LDB2: variants seen among roughly 807,000 people sequenced by gnomAD.
LDB2 encodes the protein LIM domain binding 2, also known as LIM domain-binding protein 2.
A neutral mutation model predicts 44.3 loss-of-function variants in LDB2; 12 were observed. The ratio of observed to expected loss-of-function variants is 0.27; its 90% confidence interval spans 0.17 to 0.44. The LOEUF is 0.44. LDB2 is among the 20% of genes least tolerant of loss of function. LDB2 has a pLI of 1.00. For synonymous variants in LDB2, 164 were observed against 174.8 expected (o/e 0.94, Z 0.49); for missense variants, 344 against 473.5 (o/e 0.73, Z 2.54).
At chr4:16,635,980 G>A (rs548565926) in intron 2 of LDB2, among the ~76,000 whole-genome samples, 2 of 152,310 alleles carry the variant, frequency 1.3e-5, no homozygotes, top group East Asian at 3.9e-4. Flanking sequence ...TCTTCTAGAC[G>A]AGTGGAGGCT....
chr4:16,551,026 A>G (rs1737468356), intron 5 of LDB2, among the ~76,000 whole-genome samples: 2 of 152,240 alleles, frequency 1.3e-5, no homozygotes, highest in South Asian at 4.1e-4. Context: ...TTTGTACACC[A>G]TTTACATTAA....
intron 1 of LDB2, among the ~76,000 whole-genome samples, chr4:16,886,359 T>C (rs1322999211): frequency 2.6e-5 from 4 of 152,210 alleles, no homozygotes; most frequent in Admixed American, 6.5e-5. Flanking sequence ...CAAAATTATA[T>C]TTTAAGAAGA....
chr4:16,558,854 C>T (rs1188436878), intron 5 of LDB2, among the ~76,000 whole-genome samples: 1 of 152,200 alleles, frequency 6.6e-6, no homozygotes, highest in Admixed American at 6.5e-5. Flanking sequence ...AGACTAACAG[C>T]AGATCTCTCG....
intron 2 of LDB2, among the ~76,000 whole-genome samples, chr4:16,732,439 G>A (rs1760952991): frequency 6.6e-6 from 1 of 152,160 alleles, no homozygotes; most frequent in Non-Finnish European, 1.5e-5. Flanking sequence ...CAAGGAAGCT[G>A]CAAATGCTAT....
At chr4:16,803,355 C>T (rs2109772770) in intron 1 of LDB2, among the ~76,000 whole-genome samples, 1 of 152,162 alleles carries the variant, frequency 6.6e-6, no homozygotes, top group South Asian at 2.1e-4. Flanking sequence ...TGCTGACTTC[C>T]TACGTGAATT....
At chr4:16,752,577 T>A (rs1579335437) in intron 2 of LDB2, 1 of 325,886 alleles carries the variant, frequency 3.1e-6, no homozygotes, top group African/African-American at 2.2e-5. Flanking sequence ...GTCTCATAGG[T>A]TTAACTCACT....
intron 2 of LDB2, among the ~76,000 whole-genome samples, chr4:16,667,682 G>T (rs1203210769): frequency 6.6e-6 from 1 of 152,230 alleles, no homozygotes; most frequent in Non-Finnish European, 1.5e-5. Context: ...GGGAGCAACC[G>T]CATAGACAGA....
chr4:16,648,755 AT>A (rs201450035), intron 2 of LDB2, among the ~76,000 whole-genome samples: 12 of 148,634 alleles, frequency 8.1e-5, no homozygotes, highest in African/African-American at 1.2e-4. Context: ...AAATTTCTCT[AT>A]TTTTTTTTTA....
intron 2 of LDB2, among the ~76,000 whole-genome samples, chr4:16,692,385 G>A (rs947067603): frequency 2.0e-5 from 3 of 152,088 alleles, no homozygotes; most frequent in African/African-American, 7.2e-5. Context: ...AAAAAGTTAG[G>A]TATGACCTTG....
intron 2 of LDB2, among the ~76,000 whole-genome samples, chr4:16,733,323 T>G (rs1761147696): frequency 6.6e-6 from 1 of 151,850 alleles, no homozygotes; most frequent in South Asian, 2.1e-4. Flanking sequence ...TGGAATAAAT[T>G]TGAACAGATA....
At chr4:16,518,718 G>A (rs1303171946) in intron 5 of LDB2, among the ~76,000 whole-genome samples, 1 of 152,202 alleles carries the variant, frequency 6.6e-6, no homozygotes, top group Non-Finnish European at 1.5e-5. Flanking sequence ...ATTCCAAGAA[G>A]GTGGCTGCAA....
At chr4:16,713,905 T>C (rs1756464204) in intron 2 of LDB2, among the ~76,000 whole-genome samples, 1 of 152,224 alleles carries the variant, frequency 6.6e-6, no homozygotes, top group Non-Finnish European at 1.5e-5. Context: ...CATTGCATTC[T>C]GTGTGGATGT....
intron 4 of LDB2, among the ~76,000 whole-genome samples, chr4:16,586,528 A>AAAC (rs1717009055): frequency 6.6e-4 from 46 of 69,478 alleles, no homozygotes; most frequent in South Asian, 3.6e-3. Context: ...ACACACACAA[A>AAAC]ACACACACAC....
intron 2 of LDB2, among the ~76,000 whole-genome samples, chr4:16,715,676 C>A (rs1756927562): frequency 6.6e-6 from 1 of 152,102 alleles, no homozygotes; most frequent in East Asian, 1.9e-4. Context: ...GGATTCCAGC[C>A]ATCTGCTTGT....
intron 5 of LDB2, among the ~76,000 whole-genome samples, chr4:16,539,809 T>C (rs12640858): frequency 0.37 from 56,981 of 151,950 alleles, 10,777 homozygotes; most frequent in South Asian, 0.45. Flanking sequence ...CAAATATCCA[T>C]GTGTTCCCCT....
At chr4:16,717,306 G>T (rs1022547644) in intron 2 of LDB2, among the ~76,000 whole-genome samples, 2 of 152,008 alleles carry the variant, frequency 1.3e-5, no homozygotes, top group East Asian at 3.9e-4. Context: ...TCGTTATTCT[G>T]CAGGTCAGAA....
At chr4:16,697,656 C>T (rs983994861) in intron 2 of LDB2, among the ~76,000 whole-genome samples, 9 of 152,104 alleles carry the variant, frequency 5.9e-5, no homozygotes, top group African/African-American at 2.2e-4. Context: ...TGCCTCAGCC[C>T]TCTTCTTCTA....
chr4:16,711,778 C>T lies in LDB2; in HGVS notation c.235+47380G>A, dbSNP rs561968743. Among the ~76,000 whole-genome samples, 3 of 152,182 alleles carry T rather than the reference C, an allele frequency of 2.0e-5. No homozygotes were observed. The East Asian group carries it at 5.8e-4, about 29-fold the overall frequency. On this transcript the variant is annotated intron_variant, in intron 2 of 7. Transcript: ENST00000304523. The stretch of plus-strand genomic sequence containing the variant: ...TGGAATAGAATTCAAAGTACAGAAA[C>T]AAACCCTTTCATTTACAACCAACTG...
chr4:16,716,460 T>A (rs1757099373), intron 2 of LDB2, among the ~76,000 whole-genome samples: 1 of 152,186 alleles, frequency 6.6e-6, no homozygotes, highest in Admixed American at 6.5e-5. Context: ...GGCTCTGATG[T>A]GGGAGCTATT....
Sources: gnomAD v4.1 joint callset for allele counts (sites outside exome capture counted in the v4.1 genomes callset) on GRCh38, gnomAD v4.1.1 for gene constraint, MANE v1.5 for transcripts, NCBI Gene and HGNC (gene_info 2026-07-23, HGNC 2026-07-21) for gene names.